Variants in NAV1 observed in about 807,000 individuals in gnomAD.
NAV1 encodes the protein neuron navigator 1, also known as pore membrane and/or filament interacting like protein 3.
Under a neutral mutation model 175.2 loss-of-function variants are expected in NAV1, and 18 were observed. The observed-to-expected ratio is 0.10, with a 90% CI of 0.07 to 0.15. The LOEUF is 0.15. Among genes scored for constraint, NAV1 ranks in the 10% least tolerant of loss-of-function variants. The pLI, the probability that NAV1 is intolerant of heterozygous loss-of-function variation, is 1.00. For missense variants in NAV1, 1,731 were observed against 2,436.6 expected (o/e 0.71, Z 6.10); for synonymous variants, 897 against 978.7 (o/e 0.92, Z 1.56).
chr1:201,794,241 T>G lies in NAV1; in HGVS notation c.3406-225T>G, dbSNP rs575889662. On this transcript the variant is annotated intron_variant, in intron 14 of 29. Transcript: ENST00000367296. Reference sequence around the variant, plus strand: ...ATCTTGGCTAACTGCAAACTCTGCCTCCCAGGTTCAAGCGATTCTCCTGCT... The same window carrying G: ...ATCTTGGCTAACTGCAAACTCTGCCGCCCAGGTTCAAGCGATTCTCCTGCT... 8.9e-4 allele frequency: 566 copies of G among 634,704 alleles called. 2 individuals carry two copies. The highest frequency in any genetic ancestry group is 1.4e-3 in the Non-Finnish European group (475 of 343,794). 39.3% of individuals were successfully genotyped at this position (634,704 alleles called of 1,614,324 possible).
intron 2 of NAV1, among the ~76,000 whole-genome samples, chr1:201,632,758 T>C (rs1243417088): frequency 6.6e-6 from 1 of 152,200 alleles, no homozygotes; most frequent in Non-Finnish European, 1.5e-5. Flanking sequence ...GGTTGATATA[T>C]AGAGAGAATG....
At chr1:201,635,050 T>C (rs902196779) in intron 2 of NAV1, among the ~76,000 whole-genome samples, 4 of 152,122 alleles carry the variant, frequency 2.6e-5, no homozygotes, top group South Asian at 4.1e-4. Context: ...TTGTTTTTTG[T>C]TTTTTTGAGA....
At chr1:201,789,266 A>G (rs1406400911) in intron 10 of NAV1, among the ~76,000 whole-genome samples, 1 of 152,154 alleles carries the variant, frequency 6.6e-6, no homozygotes, top group Non-Finnish European at 1.5e-5. Context: ...ATCAGAATGC[A>G]TATTCCTCAC....
At chr1:201,540,784 G>T (rs1208918222) in intron 1 of NAV1, among the ~76,000 whole-genome samples, 1 of 152,216 alleles carries the variant, frequency 6.6e-6, no homozygotes, top group Non-Finnish European at 1.5e-5. Flanking sequence ...TCAATCATCA[G>T]TTTGTAGTTC....
chr1:201,767,101 G>A (rs1199806037), intron 3 of NAV1, among the ~76,000 whole-genome samples: 1 of 151,064 alleles, frequency 6.6e-6, no homozygotes, highest in Non-Finnish European at 1.5e-5. Context: ...TTACAGGTGT[G>A]AGCCACCGCG....
intron 1 of NAV1, among the ~76,000 whole-genome samples, chr1:201,709,493 A>T (rs1671806865): frequency 6.6e-6 from 1 of 152,094 alleles, no homozygotes; most frequent in African/African-American, 2.4e-5. Context: ...TTTCTTTTGT[A>T]CACAGGTAAG....
At chr1:201,544,133 C>A (rs898350568) in intron 1 of NAV1, among the ~76,000 whole-genome samples, 1 of 152,198 alleles carries the variant, frequency 6.6e-6, no homozygotes, top group Non-Finnish European at 1.5e-5. Context: ...ACCTGGGGAG[C>A]TTTTAAAAAT....
At chr1:201,549,139 CT>C (rs1227237149) in intron 1 of NAV1, among the ~76,000 whole-genome samples, 288 of 125,484 alleles carry the variant, frequency 2.3e-3, no homozygotes, top group Middle Eastern at 4.0e-3. Flanking sequence ...TTCTTTCTTT[CT>C]TTCTTCTTTC....
rs1347670924 is a variant in NAV1, at chr1:201,813,671, G to GT, written c.5340+414dup. Among the ~76,000 whole-genome samples the GT allele has an allele frequency of 8.7e-6, 1 of 115,114 alleles. No homozygotes were observed. The highest frequency in any genetic ancestry group is 2.1e-5 in the Non-Finnish European group (1 of 47,204). 75.5% of individuals were successfully genotyped at this position (115,114 alleles called of 152,430 possible). On this transcript the variant is annotated intron_variant, in intron 28 of 29. Coordinates refer to ENST00000367296, the Ensembl canonical transcript of NAV1. This position sits in a 1 kb window ranked among gnomAD's most constrained non-coding sequence, Gnocchi z 4.2. ...TTGACCTTTTTAAATACCCTCATAT[G>GT]TAAAAAAAAAAAGGAGACATCACCT...
In NAV1 at chr1:201,810,220, G is replaced by C; in HGVS notation, c.4561+115G>C. The C allele has an allele frequency of 7.3e-7, 1 of 1,374,692 alleles. No homozygotes were observed. The highest frequency in any genetic ancestry group is 1.4e-5 in the South Asian group (1 of 73,928). 85.2% of individuals were successfully genotyped at this position (1,374,692 alleles called of 1,614,324 possible). On this transcript the variant is annotated intron_variant, in intron 23 of 29. Coordinates refer to ENST00000367296, the Ensembl canonical transcript of NAV1. This position sits in a 1 kb window ranked among gnomAD's most constrained non-coding sequence, Gnocchi z 6.0. ...ACTCACTGAGAAGGTATAATATGAAGATGCTTAAGTAATGTGAGATATAAA... is the reference window on the plus strand; with the variant it reads ...ACTCACTGAGAAGGTATAATATGAACATGCTTAAGTAATGTGAGATATAAA...
intron 1 of NAV1, among the ~76,000 whole-genome samples, chr1:201,588,160 T>C (rs572153331): frequency 6.6e-6 from 1 of 152,220 alleles, no homozygotes; most frequent in Non-Finnish European, 1.5e-5. Flanking sequence ...AAAGTGGAAA[T>C]AAGCTAATGA....
intron 15 of NAV1, chr1:201,797,248 C>T (rs1193790806): frequency 3.3e-5 from 5 of 152,140 alleles, no homozygotes; most frequent in Non-Finnish European, 4.4e-5. Flanking sequence ...TTTTTTCCCC[C>T]ACTGAATTGT....
chr1:201,826,841 A>T (rs1227318261), exon 30 of NAV1: 8 of 152,178 alleles, frequency 5.3e-5, no homozygotes. Context: ...CCAGCTGAAG[A>T]GGCCTTCCTT....
At chr1:201,644,011 C>T (rs1668894120), upstream of NAV1, among the ~76,000 whole-genome samples, 1 of 152,202 alleles carries the variant, frequency 6.6e-6, no homozygotes, top group African/African-American at 2.4e-5. Flanking sequence ...CTACCAATGA[C>T]TTTGGAAAGA....
At chr1:201,714,888 C>CCGGT (rs1186482695) in intron 2 of NAV1, among the ~76,000 whole-genome samples, 2 of 152,170 alleles carry the variant, frequency 1.3e-5, no homozygotes, top group Non-Finnish European at 2.9e-5. Context: ...CTCCGTTAAG[C>CCGGT]CGGACAGCTT....
chr1:201,622,020 G>A (rs1668186860), upstream of NAV1, among the ~76,000 whole-genome samples: 1 of 152,214 alleles, frequency 6.6e-6, no homozygotes, highest in Non-Finnish European at 1.5e-5. Context: ...ATGAGTCAAG[G>A]TCTGGAAGAG....
At chr1:201,623,047 TC>T in exon 1 of NAV1, 1 of 985,662 alleles carries the variant, frequency 1.0e-6, no homozygotes, top group Non-Finnish European at 1.2e-6. Context: ...GAGAGCAGCC[TC>T]CCCCAGACTG....
At chr1:201,684,216 T>G (rs688122) in intron 1 of NAV1, among the ~76,000 whole-genome samples, 1 of 151,972 alleles carries the variant, frequency 6.6e-6, no homozygotes, top group African/African-American at 2.4e-5. Flanking sequence ...CCAAGGAATC[T>G]TAGTTCCTTT....
intron 6 of NAV1, among the ~76,000 whole-genome samples, chr1:201,783,108 G>A (rs543850042): frequency 1.3e-5 from 2 of 152,242 alleles, no homozygotes; most frequent in South Asian, 4.2e-4. Flanking sequence ...TCTGATCAAT[G>A]CTTACCCTGT....
Sources: gnomAD v4.1 joint callset for allele counts (sites outside exome capture counted in the v4.1 genomes callset) on GRCh38, gnomAD v4.1.1 for gene constraint, Gnocchi (gnomAD v3.1) non-coding constraint, MANE v1.5 for transcripts, NCBI Gene and HGNC (gene_info 2026-07-23, HGNC 2026-07-21) for gene names.